ANKIB1: variants seen among roughly 807,000 people sequenced by gnomAD.
ANKIB1 encodes ankyrin repeat and IBR domain-containing protein 1.
Under a neutral mutation model 122.1 loss-of-function variants are expected in ANKIB1, and 43 were observed. That is an observed-to-expected ratio of 0.35 (90% CI 0.28 to 0.45). ANKIB1 has a LOEUF of 0.45. Ranked by LOEUF, ANKIB1 falls within the 20% of genes least tolerant of loss-of-function variation. ANKIB1 has a pLI of 1.00. For missense variants in ANKIB1, 992 were observed against 1,329.5 expected (o/e 0.75, Z 3.95); for synonymous variants, 390 against 442.0 (o/e 0.88, Z 1.48).
rs116270312 is a variant in ANKIB1 at position 92,255,412 on chromosome 7, G to A, written c.-91+8893G>A. On this transcript the variant is annotated intron_variant, in intron 1 of 19. Transcript: ENST00000265742. ...GAGGTAGACTGGAGCTGGTATAGTG[G>A]TTCCACAGTGCTATCAGGAATGCAG... is the stretch of plus-strand genomic sequence containing the variant. 2.9e-3 allele frequency among the ~76,000 whole-genome samples: 441 copies of A among 152,298 alleles called. 4 individuals are homozygous for A. The highest frequency in any genetic ancestry group is 0.01 in the African/African-American group (419 of 41,574).
chr7:92,334,761 A>G (rs948211032), intron 5 of ANKIB1, among the ~76,000 whole-genome samples: 5 of 152,072 alleles, frequency 3.3e-5, no homozygotes, highest in Admixed American at 1.3e-4. Context: ...AAATTAATGC[A>G]TGATATAAAG....
At chr7:92,250,253 C>T (rs992756877) in intron 1 of ANKIB1, among the ~76,000 whole-genome samples, 8 of 151,824 alleles carry the variant, frequency 5.3e-5, no homozygotes, top group African/African-American at 1.7e-4. Context: ...ATTAGCCGAG[C>T]GTGGTGGCAC....
At chr7:92,373,848 A>G (rs1804324821) in intron 11 of ANKIB1, among the ~76,000 whole-genome samples, 1 of 151,804 alleles carries the variant, frequency 6.6e-6, no homozygotes, top group African/African-American at 2.4e-5. Context: ...AAGCTTGTTT[A>G]TTTTAAAAAC....
At position 92,311,408 on chromosome 7, in the gene ANKIB1, A is replaced by G. The variant is rs139036532; in HGVS notation, c.486+3752A>G. Among the ~76,000 whole-genome samples, 24 of 152,254 alleles carry G rather than the reference A, an allele frequency of 1.6e-4. No homozygotes were observed. In the East Asian group the frequency reaches 4.2e-3, roughly 27 times the overall value. On this transcript the variant is annotated intron_variant, in intron 3 of 19. Transcript: ENST00000265742. ...AGATTCCTTTTAACACAAATTCTCT[A>G]TTAGCCTGTTATTGCAGTAAAATTT...
Position 92,391,301 on chromosome 7 carries a change from C to T in ANKIB1, c.2188C>T (p.Arg730Trp), listed in dbSNP as rs1004797187. ...GCAAGAATTCCTGGCATCTGTGGCT[C>T]GGGGAGTAGCTCCTGCAGACTCACC... ...KRQEFLASVA[R>W]GVAPADSPEA... is the part of the protein sequence containing the mutation. The change falls in exon 16 of 20, where the codon CGG becomes TGG. Residue 730 changes from arginine (R) to tryptophan (W), a missense_variant. Arg to Trp is a moderately radical substitution (Grantham distance 101). Around this residue, in one of 4 missense-constraint regions of ANKIB1, gnomAD observed 521 missense variants for 777.7 expected, o/e 0.67. Coordinates refer to ENST00000265742, the MANE Select transcript of ANKIB1 (RefSeq NM_019004.2). 6.2e-7 allele frequency: 1 copy of T among 1,613,178 alleles called. No individual in the cohort carries two copies. The highest frequency in any genetic ancestry group is 8.5e-7 in the Non-Finnish European group (1 of 1,179,538).
intron 9 of ANKIB1, among the ~76,000 whole-genome samples, chr7:92,358,449 G>A (rs1040942498): frequency 2.0e-5 from 3 of 151,900 alleles, no homozygotes; most frequent in East Asian, 3.9e-4. Flanking sequence ...TGAGGTTCTG[G>A]AAAAGAAAAC....
At chr7:92,376,925 A>T (rs1804394892) in intron 11 of ANKIB1, among the ~76,000 whole-genome samples, 1 of 152,186 alleles carries the variant, frequency 6.6e-6, no homozygotes, top group African/African-American at 2.4e-5. Flanking sequence ...TTCATGGCTC[A>T]TTTGATCCTC....
chr7:92,271,059 GT>G (rs1043050526), intron 1 of ANKIB1, among the ~76,000 whole-genome samples: 47 of 151,866 alleles, frequency 3.1e-4, no homozygotes, highest in Non-Finnish European at 5.3e-4. Context: ...TTTCTCCTGT[GT>G]TTTTTCTTCT....
chr7:92,309,725 G>A (rs1220417504), intron 3 of ANKIB1, among the ~76,000 whole-genome samples: 4 of 151,358 alleles, frequency 2.6e-5, no homozygotes, highest in Non-Finnish European at 5.9e-5. Context: ...AGGAGTTTGA[G>A]ACCAGCCTGG....
At chr7:92,335,728 C>T (rs1803273650) in intron 5 of ANKIB1, among the ~76,000 whole-genome samples, 1 of 151,672 alleles carries the variant, frequency 6.6e-6, no homozygotes, top group South Asian at 2.1e-4. Context: ...GTTCTTTATC[C>T]ATTCTGATGG....
At chr7:92,280,202 A>G (rs1445968862) in intron 1 of ANKIB1, among the ~76,000 whole-genome samples, 3 of 152,386 alleles carry the variant, frequency 2.0e-5, no homozygotes, top group South Asian at 4.1e-4. Context: ...TTACAAGCAT[A>G]TAACATTTTA....
intron 1 of ANKIB1, among the ~76,000 whole-genome samples, chr7:92,265,566 G>C (rs1387619750): frequency 6.6e-6 from 1 of 152,216 alleles, no homozygotes; most frequent in East Asian, 1.9e-4. Flanking sequence ...TTGTCTGGCT[G>C]CTGTGTGGAA....
rs1263869763 is a variant in ANKIB1, at chr7:92,399,477, C to T, written c.*528C>T. ...GTGAATTGAAGTCTCTTTAGTACCA[C>T]ATCTACCATAGTGTAATTAGTTTTA... is the stretch of plus-strand genomic sequence containing the variant. On this transcript the variant is annotated 3_prime_UTR_variant, in exon 20 of 20. Transcript: ENST00000265742. 6.6e-6 allele frequency: 1 copy of T among 152,208 alleles called. No homozygotes were observed. Among genetic ancestry groups the T allele is most frequent in the Non-Finnish European group, 1.5e-5 (1 of 68,062 alleles). The allele number at this position is 152,208 out of a possible 1,614,324, so 9.4% of individuals were successfully genotyped here.
intron 1 of ANKIB1, among the ~76,000 whole-genome samples, chr7:92,261,564 C>T (rs1198816662): frequency 1.3e-5 from 2 of 152,108 alleles, no homozygotes; most frequent in Non-Finnish European, 2.9e-5. Flanking sequence ...GACTTTATGT[C>T]ATGATTTATA....
At position 92,276,046 on chromosome 7, in the gene ANKIB1, A is replaced by C. The variant is rs190557045; in HGVS notation, c.-90-18843A>C. On this transcript the variant is annotated intron_variant, in intron 1 of 19. Coordinates refer to ENST00000265742, the MANE Select transcript of ANKIB1 (RefSeq NM_019004.2). ...TCTATATATAATAAAAAAGTTTTGC[A>C]AAACTACACTTAGTATATAGATGCA... Among the ~76,000 whole-genome samples the C allele has an allele frequency of 2.0e-5, 3 of 152,336 alleles. No homozygotes were observed. The East Asian group carries it at 5.8e-4, about 29-fold the overall frequency.
At chr7:92,301,871 C>T (rs1285638727) in intron 2 of ANKIB1, among the ~76,000 whole-genome samples, 1 of 151,904 alleles carries the variant, frequency 6.6e-6, no homozygotes, top group Non-Finnish European at 1.5e-5. Flanking sequence ...CTCATGCTGC[C>T]TCATATAATC....
chr7:92,302,838 T>G (rs1340658079), intron 2 of ANKIB1, among the ~76,000 whole-genome samples: 1 of 152,188 alleles, frequency 6.6e-6, no homozygotes, highest in Admixed American at 6.5e-5. Flanking sequence ...CCCCTTATCT[T>G]GCATGCAAAC....
intron 10 of ANKIB1, among the ~76,000 whole-genome samples, chr7:92,368,924 G>C (rs1008820786): frequency 3.9e-5 from 6 of 152,158 alleles, no homozygotes; most frequent in Non-Finnish European, 4.4e-5. Flanking sequence ...AAACTGTTAT[G>C]TTGCAGGCCA....
At chr7:92,381,988 A>G (rs184796596) in intron 11 of ANKIB1, among the ~76,000 whole-genome samples, 44 of 152,188 alleles carry the variant, frequency 2.9e-4, no homozygotes, top group African/African-American at 9.9e-4. Context: ...TGCTGTATTC[A>G]GGAGACCCAT....
Sources: allele counts gnomAD v4.1 joint callset (sites outside exome capture counted in the v4.1 genomes callset), GRCh38; gene constraint gnomAD v4.1.1; regional missense constraint gnomAD v4.1.1; transcripts MANE v1.5; gene names NCBI Gene and HGNC (gene_info 2026-07-23, HGNC 2026-07-21).